Variants in CFAP157 observed in about 807,000 individuals in gnomAD.
CFAP157 encodes cilia and flagella associated protein 157.
CFAP157 carries 43 observed loss-of-function variants against 57.8 expected under a neutral mutation model. The ratio of observed to expected loss-of-function variants is 0.74; its 90% CI spans 0.58 to 0.96. The LOEUF (loss-of-function observed/expected upper bound fraction) is 0.96. Among genes scored for constraint, CFAP157 ranks in the 40% least tolerant of loss-of-function variants. CFAP157 has a pLI of 0.00. For missense variants in CFAP157, 606 were observed against 655.3 expected (o/e 0.92, Z 0.82); for synonymous variants, 267 against 269.0 (o/e 0.99, Z 0.07).
chr9:127,709,329 C>A lies in CFAP157; in HGVS notation c.162-93C>A. The A allele has an allele frequency of 2.2e-6, 3 of 1,346,878 alleles. No homozygotes were observed. Among genetic ancestry groups the A allele is most frequent in the Admixed American group, 4.6e-5 (2 of 43,128 alleles). 83.4% of individuals were successfully genotyped at this position (1,346,878 alleles called of 1,614,324 possible). A position where few individuals can be genotyped will look rare whatever the true frequency, so the allele number is the denominator to read the frequency against. On this transcript the variant is annotated intron_variant, in intron 1 of 8. Transcript: ENST00000373295. This position sits in a 1 kb window ranked among gnomAD's most constrained non-coding sequence, Gnocchi z 4.7. ...ACAAGGAAACTCAAATGCCCCTTTA[C>A]GGGACAGGGAGTCCAGGAGAGTGGG...
rs770800018 is a variant in CFAP157 at position 127,712,319 on chromosome 9, G to A, written c.1107G>A (p.Gln369=). The change falls in exon 6 of 9, where the codon CAG becomes CAA. Residue 369 remains glutamine (Q), a synonymous_variant. Coordinates refer to ENST00000373295, the MANE Select transcript of CFAP157 (RefSeq NM_001012502.3). The stretch of plus-strand genomic sequence containing the variant: ...CCAGCCTGGAGGCGGCTCTGGTCCA[G>A]GCCACCTCCTTCCTACAGAACATTC... ...VRASLEAALV[Q]ATSFLQNILQ... The A allele has an allele frequency of 3.1e-6, 5 of 1,614,030 alleles. No homozygotes were observed. The highest frequency in any genetic ancestry group is 2.5e-6 in the Non-Finnish European group (3 of 1,180,002).
At position 127,715,587 on chromosome 9, in the gene CFAP157, C is replaced by G; in HGVS notation, c.*1682C>G. The stretch of plus-strand genomic sequence containing the variant: ...GGGGCGAGGCTCCAAAACACATCGG[C>G]TCATGGCTCTACTCAGCCGCTGTCC... On this transcript the variant is annotated 3_prime_UTR_variant, in exon 9 of 9. Coordinates refer to ENST00000373295, the MANE Select transcript of CFAP157 (RefSeq NM_001012502.3). The surrounding 1 kb of genome is among the most constrained non-coding windows in gnomAD (Gnocchi z 5.8). 1.2e-6 allele frequency: 2 copies of G among 1,613,452 alleles called. No individual in the cohort carries two copies. Among genetic ancestry groups the G allele is most frequent in the Non-Finnish European group, 1.7e-6 (2 of 1,180,032 alleles).
Position 127,712,253 on chromosome 9 carries a change from G to T in CFAP157, c.1041G>T (p.Gln347His), listed in dbSNP as rs199535659. ...LQLEQQQVDLQRLQQELANEQ... is the reference protein window; with the variant it reads ...LQLEQQQVDLHRLQQELANEQ... The stretch of plus-strand genomic sequence containing the variant: ...TGGAGCAGCAGCAGGTGGATTTGCA[G>T]CGGCTACAGCAGGAACTGGCTAATG... Residue 347 changes from glutamine to histidine, a missense_variant, in exon 6 of 9, where the codon CAG (glutamine) becomes CAT (histidine). By Grantham distance (24) the Gln-to-His change is conservative. Coordinates refer to ENST00000373295, the MANE Select transcript of CFAP157 (RefSeq NM_001012502.3). 2.0e-5 allele frequency: 32 copies of T among 1,613,958 alleles called. No individual in the cohort carries two copies. The Admixed American group carries it at 2.0e-4, about 10-fold the overall frequency.
chr9:127,707,243 C>A (rs1466049697), intron 1 of CFAP157, 51 bp downstream of exon 1: 2 of 1,582,874 alleles, frequency 1.3e-6, no homozygotes, highest in Admixed American at 1.7e-5. Context: ...GAAGCCCATG[C>A]CCAGGTGGCC....
intron 3 of CFAP157, among the ~76,000 whole-genome samples, chr9:127,711,011 T>C (rs1201349955): frequency 2.0e-5 from 3 of 152,146 alleles, no homozygotes; most frequent in Admixed American, 2.0e-4. Flanking sequence ...TGGGATTAAA[T>C]CATGTTACTT....
chr9:127,711,718 G>A, intron 4 of CFAP157, 102 bp from the exon 5 acceptor site: 9 of 1,348,596 alleles, frequency 6.7e-6, no homozygotes, highest in Non-Finnish European at 8.1e-6. Flanking sequence ...GCCCTGGAGA[G>A]CTCACTGGCC....
At position 127,714,458 on chromosome 9, in the gene CFAP157, C is replaced by T. The variant is rs765125498; in HGVS notation, c.*553C>T. On this transcript the variant is annotated 3_prime_UTR_variant, in exon 9 of 9. Coordinates refer to ENST00000373295, the MANE Select transcript of CFAP157 (RefSeq NM_001012502.3). The stretch of plus-strand genomic sequence containing the variant: ...GATATGGGAGGGGCAGTTAGTGCCT[C>T]CCTGGGGCAGTGTCCTTCCACCCCT... 4.3e-6 allele frequency: 7 copies of T among 1,613,440 alleles called. No homozygotes were observed. The highest frequency in any genetic ancestry group is 5.9e-6 in the Non-Finnish European group (7 of 1,179,406).
Position 127,714,953 on chromosome 9 carries a change from A to ACCCCCCCCCC in CFAP157, c.*1052_*1053insCCCCCCCCCC. The ACCCCCCCCCC allele has an allele frequency of 7.3e-6, 1 of 136,776 alleles. No homozygotes were observed. The highest frequency in any genetic ancestry group is 6.0e-5 in the South Asian group (1 of 16,580). The allele number at this position is 136,776 out of a possible 1,614,324, so 8.5% of individuals were successfully genotyped here. On this transcript the variant is annotated 3_prime_UTR_variant, in exon 9 of 9. Coordinates refer to ENST00000373295, the MANE Select transcript of CFAP157 (RefSeq NM_001012502.3). Reference sequence around the variant, plus strand: ...CCCCACCCCCTTGGCCCGCCCGCCCACCCCTGGCGCTCTCAACTCACCAGC... The same window carrying ACCCCCCCCCC: ...CCCCACCCCCTTGGCCCGCCCGCCCACCCCCCCCCCCCCCTGGCGCTCTCAACTCACCAGC...
chr9:127,712,139 C>T (rs1588394256), intron 5 of CFAP157, 60 bp from the exon 6 acceptor site: 2 of 1,594,906 alleles, frequency 1.3e-6, no homozygotes, highest in East Asian at 4.5e-5. Context: ...CCCCTGGCCC[C>T]AGGTGGCCCC....
Position 127,714,037 on chromosome 9 carries a change from G to T in CFAP157, c.*132G>T. ...AGTAGATACCAAGGCTGGCGTGGCAGCTCTGTGGCAGTGGCTGGGTTGGTG... is the reference window on the plus strand; with the variant it reads ...AGTAGATACCAAGGCTGGCGTGGCATCTCTGTGGCAGTGGCTGGGTTGGTG... On this transcript the variant is annotated 3_prime_UTR_variant, in exon 9 of 9. Transcript: ENST00000373295. 1 of 1,591,670 alleles carries T rather than the reference G, an allele frequency of 6.3e-7. No homozygotes were observed. The highest frequency in any genetic ancestry group is 1.1e-5 in the South Asian group (1 of 90,276).
rs760863384 is a variant in CFAP157, at chr9:127,713,187, G to A, written c.1472G>A (p.Arg491Gln). Residue 491 changes from arginine to glutamine, a missense_variant, in exon 8 of 9, where the codon CGG (arginine) becomes CAG (glutamine). Transcript: ENST00000373295. ...TATATCACCCGTGTGGGGACCTTCCGGGCACACAGCAGCCCTGAGGTGAGG... is the reference window on the plus strand; with the variant it reads ...TATATCACCCGTGTGGGGACCTTCCAGGCACACAGCAGCCCTGAGGTGAGG... ...LSYITRVGTF[R>Q]AHSSPEMRAP... 24 of 1,559,494 alleles carry A rather than the reference G, an allele frequency of 1.5e-5. No individual in the cohort carries two copies. Among genetic ancestry groups the A allele is most frequent in the African/African-American group, 6.8e-5 (5 of 73,360 alleles).
chr9:127,710,669 C>T lies in CFAP157; in HGVS notation c.502C>T (p.Leu168=). ...KEEVTDKFTL[L]EEQVRKQENE... is the part of the protein sequence containing the mutation. Reference sequence around the variant, plus strand: ...GGAGGTCACGGACAAGTTCACATTGCTGGAGGAGCAGGTGCGGAAGCAGGA... The same window carrying T: ...GGAGGTCACGGACAAGTTCACATTGTTGGAGGAGCAGGTGCGGAAGCAGGA... The change falls in exon 3 of 9, where the codon CTG becomes TTG. Residue 168 remains leucine, a synonymous_variant. Transcript: ENST00000373295. 6.3e-7 allele frequency: 1 copy of T among 1,584,398 alleles called. No homozygotes were observed. Among genetic ancestry groups the T allele is most frequent in the Non-Finnish European group, 8.6e-7 (1 of 1,164,830 alleles).
Position 127,712,037 on chromosome 9 carries a change from C to G in CFAP157, c.986+87C>G, listed in dbSNP as rs1411422198. On this transcript the variant is annotated intron_variant, in intron 5 of 8. Transcript: ENST00000373295. ...CTCTTTCCGATCCCACGACCCAGGC[C>G]AGTGACTTCCCCTCTCTAGAGGAGC... The G allele has an allele frequency of 6.6e-6, 10 of 1,521,012 alleles. No homozygotes were observed. The Admixed American group carries it at 2.1e-4, about 32-fold the overall frequency. 94.2% of individuals were successfully genotyped at this position (1,521,012 alleles called of 1,614,324 possible).
At position 127,711,251 on chromosome 9, in the gene CFAP157, C is replaced by T. The variant is rs754699871; in HGVS notation, c.610C>T (p.Arg204Cys). 14 of 1,613,964 alleles carry T rather than the reference C, an allele frequency of 8.7e-6. No homozygotes were observed. The highest frequency in any genetic ancestry group is 4.5e-5 in the East Asian group (2 of 44,880). ...KDRLRKEIIQ[R>C]VNLVANEFHK... is the part of the protein sequence containing the mutation. The stretch of plus-strand genomic sequence containing the variant: ...CAGACTGAGGAAAGAGATCATCCAG[C>T]GCGTGAACCTCGTGGCCAATGAGTT... The change falls in exon 4 of 9, where the codon CGC (arginine) becomes TGC (cysteine). Residue 204 changes from arginine to cysteine, a missense_variant. Arg to Cys is a radical substitution (Grantham distance 180). Transcript: ENST00000373295.
At position 127,715,729 on chromosome 9, in the gene CFAP157, C is replaced by T; in HGVS notation, c.*1824C>T. On this transcript the variant is annotated 3_prime_UTR_variant, in exon 9 of 9. Transcript: ENST00000373295. The surrounding 1 kb of genome is among the most constrained non-coding windows in gnomAD (Gnocchi z 5.8). Reference sequence around the variant, plus strand: ...CCAACTGTTTGGCGTCCACCGCCAACGTCCAATCCGGGCCGGGCTACGTGG... The same window carrying T: ...CCAACTGTTTGGCGTCCACCGCCAATGTCCAATCCGGGCCGGGCTACGTGG... 2 of 1,546,008 alleles carry T rather than the reference C, an allele frequency of 1.3e-6. No homozygotes were observed. The highest frequency in any genetic ancestry group is 1.7e-6 in the Non-Finnish European group (2 of 1,151,178).
In CFAP157 at chr9:127,713,823, T is replaced by C; in HGVS notation, c.1492-11T>C. On this transcript the variant is annotated splice_polypyrimidine_tract_variant and intron_variant, in intron 8 of 8. Coordinates refer to ENST00000373295, the MANE Select transcript of CFAP157 (RefSeq NM_001012502.3). ...CACCCGGCCTCCAAGCCAGCATCTT[T>C]AATCTTACAGATGCGTGCCCCTGGT... The C allele has an allele frequency of 6.2e-7, 1 of 1,613,476 alleles. No individual in the cohort carries two copies. Among genetic ancestry groups the C allele is most frequent in the South Asian group, 1.1e-5 (1 of 91,068 alleles).
chr9:127,715,139 G>A lies in CFAP157; in HGVS notation c.*1234G>A, dbSNP rs1030673291. On this transcript the variant is annotated 3_prime_UTR_variant, in exon 9 of 9. Transcript: ENST00000373295. The surrounding 1 kb of genome is among the most constrained non-coding windows in gnomAD (Gnocchi z 5.8). ...CCGCCGCGCCAGCTGCCCCAGCACC[G>A]CCATGCCCACGCTGTGTCGCGTGCC... 4.6e-6 allele frequency: 7 copies of A among 1,537,394 alleles called. No individual in the cohort carries two copies. Among genetic ancestry groups the A allele is most frequent in the Admixed American group, 1.9e-5 (1 of 51,784 alleles).
chr9:127,711,232 G>T lies in CFAP157; in HGVS notation c.591G>T (p.Leu197=), dbSNP rs376783072. 1 of 1,613,716 alleles carries T rather than the reference G, an allele frequency of 6.2e-7. No individual in the cohort carries two copies. Among genetic ancestry groups the T allele is most frequent in the East Asian group, 2.2e-5 (1 of 44,856 alleles). The change falls in exon 4 of 9, where the codon CTG becomes CTT. Residue 197 remains leucine (L), a synonymous_variant. Transcript: ENST00000373295. The part of the protein sequence containing the change: ...EKKSVLDKDR[L]RKEIIQRVNL... ...CCCCTCCCACCTTTCTGGCCAGACT[G>T]AGGAAAGAGATCATCCAGCGCGTGA...
At chr9:127,711,085 C>T in intron 3 of CFAP157, 144 bp from the exon 4 acceptor site, 1 of 1,027,924 alleles carries the variant, frequency 9.7e-7, no homozygotes, top group Non-Finnish European at 1.4e-6. Context: ...CAGGGAAAGC[C>T]TCCCACCCAT....
Sources: allele counts gnomAD v4.1 joint callset (sites outside exome capture counted in the v4.1 genomes callset), GRCh38; gene constraint gnomAD v4.1.1; non-coding constraint Gnocchi (gnomAD v3.1); transcripts MANE v1.5; gene names NCBI Gene and HGNC (gene_info 2026-07-23, HGNC 2026-07-21).